The following CACNB4 variants were observed in gnomAD, a reference collection of about 807,000 sequenced individuals.
CACNB4 encodes voltage-dependent L-type calcium channel subunit beta-4.
In CACNB4, 32 loss-of-function variants were observed where a neutral mutation model predicts 71.2. The ratio of observed to expected loss-of-function variants is 0.45; its 90% CI spans 0.34 to 0.60. The LOEUF is 0.60. CACNB4 is among the 20% of genes least tolerant of loss of function. The probability of loss-of-function intolerance (pLI) is 0.01; values close to 1 mark genes in which losing one functional copy is unlikely to be tolerated. For synonymous variants in CACNB4, 231 were observed against 236.9 expected (o/e 0.97, Z 0.23); for missense variants, 464 against 647.9 (o/e 0.72, Z 3.08).
chr2:152,006,731 T>C (rs1254707214), intron 2 of CACNB4, among the ~76,000 whole-genome samples: 1 of 152,176 alleles, frequency 6.6e-6, no homozygotes, highest in East Asian at 1.9e-4. Flanking sequence ...AGCCTTTCAT[T>C]ATCTGCCCTG....
intron 5 of CACNB4, among the ~76,000 whole-genome samples, chr2:151,874,689 C>G (rs892961380): frequency 8.5e-5 from 13 of 152,088 alleles, no homozygotes; most frequent in African/African-American, 3.1e-4. Flanking sequence ...AAGCATTCAA[C>G]AGAAAACAGA....
chr2:151,964,736 C>T (rs2099870606), intron 2 of CACNB4, among the ~76,000 whole-genome samples: 1 of 152,160 alleles, frequency 6.6e-6, no homozygotes, highest in Non-Finnish European at 1.5e-5. Flanking sequence ...CCGCCATTGG[C>T]ACTCTAGGAA....
chr2:151,975,999 G>A (rs555149871), intron 2 of CACNB4, among the ~76,000 whole-genome samples: 7 of 152,340 alleles, frequency 4.6e-5, no homozygotes, highest in South Asian at 4.1e-4. Context: ...GATGGCTGCC[G>A]TGGAGCGCTC....
intron 2 of CACNB4, among the ~76,000 whole-genome samples, chr2:152,000,694 TCCC>T (rs1248653307): frequency 2.6e-5 from 4 of 152,094 alleles, no homozygotes; most frequent in Non-Finnish European, 5.9e-5. Flanking sequence ...AATCCTTAAC[TCCC>T]CATTTACTTT....
At chr2:151,863,923 A>C (rs1185493873) in intron 9 of CACNB4, among the ~76,000 whole-genome samples, 4 of 152,200 alleles carry the variant, frequency 2.6e-5, no homozygotes, top group African/African-American at 9.7e-5. Context: ...AGTAAGACAA[A>C]ATAGGAGTTT....
At chr2:152,038,399 G>A (rs1188092811) in intron 2 of CACNB4, among the ~76,000 whole-genome samples, 1 of 152,132 alleles carries the variant, frequency 6.6e-6, no homozygotes, top group Non-Finnish European at 1.5e-5. Context: ...AGCTTCTACT[G>A]ACAGACAAGG....
intron 2 of CACNB4, among the ~76,000 whole-genome samples, chr2:151,963,311 CAAAAAAA>C (rs71410446): frequency 7.1e-3 from 429 of 60,376 alleles, no homozygotes; most frequent in Middle Eastern, 0.038. Flanking sequence ...GACACCGTCT[CAAAAAAA>C]AAAAAAAAAA....
intron 2 of CACNB4, among the ~76,000 whole-genome samples, chr2:152,034,541 C>A (rs916932763): frequency 6.6e-6 from 1 of 152,204 alleles, no homozygotes; most frequent in Non-Finnish European, 1.5e-5. Flanking sequence ...AATGGGCAAG[C>A]GGCTTCCCTT....
chr2:151,929,527 T>C (rs1471510216), intron 2 of CACNB4, among the ~76,000 whole-genome samples: 1 of 152,212 alleles, frequency 6.6e-6, no homozygotes, highest in African/African-American at 2.4e-5. Flanking sequence ...AAAGATACCA[T>C]TGTCTTTGTT....
At chr2:152,074,643 AT>A (rs1686900019) in intron 2 of CACNB4, among the ~76,000 whole-genome samples, 5 of 88,346 alleles carry the variant, frequency 5.7e-5, no homozygotes, top group Admixed American at 1.2e-4. Flanking sequence ...TACCACCTCT[AT>A]CATCACCATC....
chr2:152,073,921 G>A (rs568774019), intron 2 of CACNB4, among the ~76,000 whole-genome samples: 1 of 152,284 alleles, frequency 6.6e-6, no homozygotes, highest in African/African-American at 2.4e-5. Flanking sequence ...AGAAGAGGCA[G>A]GACTGTAAGA....
chr2:151,971,375 A>G, intron 2 of CACNB4: 3 of 627,450 alleles, frequency 4.8e-6, no homozygotes, highest in Non-Finnish European at 8.6e-6. Flanking sequence ...ACGGTAGGAC[A>G]TATGCGGATG....
At chr2:152,052,694 T>G (rs1011222374) in intron 2 of CACNB4, among the ~76,000 whole-genome samples, 1 of 152,114 alleles carries the variant, frequency 6.6e-6, no homozygotes, top group Admixed American at 6.5e-5. Context: ...AAATACCATA[T>G]GTGGGCCAGG....
chr2:151,896,851 A>G (rs2099852213), intron 2 of CACNB4, among the ~76,000 whole-genome samples: 2 of 152,234 alleles, frequency 1.3e-5, no homozygotes, highest in African/African-American at 4.8e-5. Context: ...AACTTAAGAG[A>G]TAGATTTCAT....
chr2:151,935,465 G>GA (rs1345038558), intron 2 of CACNB4, among the ~76,000 whole-genome samples: 2 of 152,194 alleles, frequency 1.3e-5, no homozygotes, highest in African/African-American at 4.8e-5. Flanking sequence ...CTGAATATGT[G>GA]AAATTTAGGC....
At chr2:152,075,394 T>C (rs1264576566) in intron 2 of CACNB4, among the ~76,000 whole-genome samples, 7 of 152,228 alleles carry the variant, frequency 4.6e-5, no homozygotes. Context: ...ATGTGAGAGT[T>C]ACTCTGAGCG....
intron 2 of CACNB4, among the ~76,000 whole-genome samples, chr2:152,041,324 T>C (rs1684862578): frequency 6.6e-6 from 1 of 152,232 alleles, no homozygotes. Context: ...ACTATGAATT[T>C]AGAAGTCATC....
chr2:151,850,981 G>A (rs2099838938), intron 12 of CACNB4: 1 of 152,082 alleles, frequency 6.6e-6, no homozygotes, highest in African/African-American at 2.4e-5. Flanking sequence ...TTTTTTCAGA[G>A]CTCCTATAGG....
intron 5 of CACNB4, chr2:151,875,030 T>A (rs938584894): frequency 1.5e-4 from 62 of 403,598 alleles, no homozygotes; most frequent in African/African-American, 1.1e-3. Context: ...ATTTTTTTTT[T>A]TTATTGATCA....
Sources: allele counts gnomAD v4.1 joint callset (sites outside exome capture counted in the v4.1 genomes callset), GRCh38; gene constraint gnomAD v4.1.1; transcripts MANE v1.5; gene names NCBI Gene and HGNC (gene_info 2026-07-23, HGNC 2026-07-21).